NT5DC1: variants seen among roughly 807,000 people sequenced by gnomAD.
NT5DC1 encodes the protein 5'-nucleotidase domain containing 1, also known as 5'-nucleotidase domain-containing protein 1.
In NT5DC1, 42 loss-of-function variants were observed where a neutral mutation model predicts 59.4. That is an observed-to-expected ratio of 0.71 (90% CI 0.55 to 0.92). NT5DC1 has a LOEUF of 0.92. NT5DC1 is among the 40% of genes least tolerant of loss of function. The pLI is 0.00. For synonymous variants in NT5DC1, 172 were observed against 188.1 expected, an observed-to-expected ratio of 0.91 and a Z score of 0.70; for missense variants, 501 against 537.1, an observed-to-expected ratio of 0.93 and a Z score of 0.66.
intron 6 of NT5DC1, chr6:116,119,407 G>T (rs1041423137): frequency 2.6e-5 from 4 of 152,434 alleles, no homozygotes; most frequent in African/African-American, 9.7e-5. Context: ...GTTTGAAAAG[G>T]TTCATTGATG....
intron 6 of NT5DC1, among the ~76,000 whole-genome samples, chr6:116,177,725 CTAAG>C (rs138583007): frequency 2.1e-3 from 317 of 152,038 alleles, no homozygotes; most frequent in Non-Finnish European, 3.9e-3. Flanking sequence ...ACTAAATAAT[CTAAG>C]TAATTAAATA....
chr6:116,168,633 T>C (rs1780533656), intron 6 of NT5DC1, among the ~76,000 whole-genome samples: 1 of 152,116 alleles, frequency 6.6e-6, no homozygotes, highest in Admixed American at 6.6e-5. Flanking sequence ...TTTTGATTGT[T>C]TGTTTTGTTT....
At chr6:116,236,644 G>A (rs1782118460) in intron 8 of NT5DC1, among the ~76,000 whole-genome samples, 2 of 152,134 alleles carry the variant, frequency 1.3e-5, no homozygotes, top group Admixed American at 1.3e-4. Context: ...AAACCGTTTT[G>A]TAGCAGTAGG....
At chr6:116,139,343 G>A (rs1343811922) in intron 6 of NT5DC1, among the ~76,000 whole-genome samples, 8 of 151,970 alleles carry the variant, frequency 5.3e-5, no homozygotes, top group Non-Finnish European at 1.2e-4. Context: ...TGTAGAATTT[G>A]GATAATACAA....
chr6:116,237,031 G>C lies in NT5DC1; in HGVS notation c.868G>C (p.Ala290Pro). 6.2e-7 allele frequency: 1 copy of C among 1,613,226 alleles called. No individual in the cohort carries two copies. Among genetic ancestry groups the C allele is most frequent in the Non-Finnish European group, 8.5e-7 (1 of 1,179,298 alleles). The change falls in exon 9 of 12, where the codon GCT becomes CCT. Residue 290 changes from alanine (A) to proline (P), a missense_variant. By Grantham distance (27) the Ala-to-Pro change is conservative. Coordinates refer to ENST00000319550, the MANE Select transcript of NT5DC1 (RefSeq NM_152729.3). ...ACCTGGCTGGTACTCCCAAGGGAAC[G>C]CTGTCCACCTCTATGAACTTCTGAA... Reference protein sequence around the residue: ...DKPGWYSQGNAVHLYELLKKM... With the variant: ...DKPGWYSQGNPVHLYELLKKM...
intron 6 of NT5DC1, among the ~76,000 whole-genome samples, chr6:116,160,036 T>G (rs1035275600): frequency 2.1e-4 from 32 of 152,200 alleles, no homozygotes; most frequent in African/African-American, 7.7e-4. Flanking sequence ...CTTAGGTCAA[T>G]TCCATGACTT....
chr6:116,117,808 T>C (rs1778996825), intron 5 of NT5DC1, 53 bp from the exon 6 acceptor site: 2 of 1,022,134 alleles, frequency 2.0e-6, no homozygotes, highest in Admixed American at 1.9e-5. Flanking sequence ...CATTTTTCAC[T>C]ATGCTTAAAA....
In NT5DC1 at chr6:116,244,989, CTTAG is replaced by C. The variant is rs751802551; in HGVS notation, c.*967_*970del. 3 of 152,058 alleles carry C rather than the reference CTTAG, an allele frequency of 2.0e-5. No individual in the cohort carries two copies. The highest frequency in any genetic ancestry group is 4.4e-5 in the Non-Finnish European group (3 of 68,020). The allele number at this position is 152,058 out of a possible 1,614,324, so 9.4% of individuals were successfully genotyped here. A position where few individuals can be genotyped will look rare whatever the true frequency, so the allele number is the denominator to read the frequency against. On this transcript the variant is annotated 3_prime_UTR_variant, in exon 12 of 12. Coordinates refer to ENST00000319550, the MANE Select transcript of NT5DC1 (RefSeq NM_152729.3). Reference sequence around the variant, plus strand: ...CATCCTATCCAACAAAATCTTATTCCTTAGTATTAATTTATCTCATTGGGAAGAA... The same window carrying C: ...CATCCTATCCAACAAAATCTTATTCCTATTAATTTATCTCATTGGGAAGAA...
At chr6:116,154,651 T>G (rs557542203) in intron 6 of NT5DC1, among the ~76,000 whole-genome samples, 11 of 142,524 alleles carry the variant, frequency 7.7e-5, no homozygotes, top group African/African-American at 2.8e-4. Flanking sequence ...ACTTACAGAT[T>G]AATTTAATTA....
intron 2 of NT5DC1, 141 bp from the exon 3 acceptor site, chr6:116,108,223 T>G: frequency 1.6e-6 from 1 of 634,120 alleles, no homozygotes; most frequent in South Asian, 1.9e-5. Context: ...TCTTAGATAT[T>G]CTTAATTGTG....
At chr6:116,161,036 T>C (rs1038854841) in intron 6 of NT5DC1, among the ~76,000 whole-genome samples, 1 of 151,878 alleles carries the variant, frequency 6.6e-6, no homozygotes, top group Non-Finnish European at 1.5e-5. Context: ...TTCATGTCCT[T>C]TGTAGGGACA....
chr6:116,173,012 G>A (rs1780646399), intron 6 of NT5DC1, among the ~76,000 whole-genome samples: 1 of 152,094 alleles, frequency 6.6e-6, no homozygotes, highest in African/African-American at 2.4e-5. Flanking sequence ...TTTGATCAGA[G>A]GAATACAATT....
intron 6 of NT5DC1, among the ~76,000 whole-genome samples, chr6:116,135,472 C>A (rs931688582): frequency 6.6e-6 from 1 of 151,470 alleles, no homozygotes; most frequent in Non-Finnish European, 1.5e-5. Flanking sequence ...TTGGTAGAGC[C>A]CTCAGTTCTG....
intron 8 of NT5DC1, 145 bp downstream of exon 8, chr6:116,223,276 A>G (rs1781845841): frequency 1.9e-6 from 1 of 517,180 alleles, no homozygotes; most frequent in Non-Finnish European, 3.5e-6. Context: ...ATTAAATTTT[A>G]TGCTACCGCT....
Position 116,110,931 on chromosome 6 carries a change from G to A in NT5DC1, c.339G>A (p.Ser113=), listed in dbSNP as rs746490840. 2.5e-5 allele frequency: 41 copies of A among 1,613,004 alleles called. No individual in the cohort carries two copies. Among genetic ancestry groups the A allele is most frequent in the South Asian group, 3.3e-5 (3 of 91,066 alleles). ...YGKKEWKHFL[S]DTGMACRSGK... is the part of the protein sequence containing the mutation. ...AGAAAGAGTGGAAGCACTTCTTGTC[G>A]GACACTGGAATGGCTTGCCGCTCAG... The change falls in exon 4 of 12, where the codon TCG becomes TCA. Residue 113 remains serine (S), a synonymous_variant. Transcript: ENST00000319550.
chr6:116,120,573 G>T, intron 6 of NT5DC1: 1 of 1,601,870 alleles, frequency 6.2e-7, no homozygotes, highest in Non-Finnish European at 8.5e-7. Context: ...TGACCTGGTG[G>T]GCCTGGAGGC....
chr6:116,234,257 G>A (rs1029696941), intron 8 of NT5DC1, among the ~76,000 whole-genome samples: 1 of 151,750 alleles, frequency 6.6e-6, no homozygotes, highest in African/African-American at 2.4e-5. Context: ...ACCATGCCTG[G>A]CCCTTCTAAC....
At chr6:116,126,526 G>A (rs577857955) in intron 6 of NT5DC1, among the ~76,000 whole-genome samples, 12 of 152,096 alleles carry the variant, frequency 7.9e-5, no homozygotes, top group African/African-American at 2.7e-4. Flanking sequence ...CTTGAAGGGG[G>A]TACTGGATTT....
At chr6:116,125,490 C>G in intron 6 of NT5DC1, 1 of 1,613,486 alleles carries the variant, frequency 6.2e-7, no homozygotes, top group Non-Finnish European at 8.5e-7. Context: ...TTTGTGGCAG[C>G]ATATTCTCAG....
Sources: gnomAD v4.1 joint callset for allele counts (sites outside exome capture counted in the v4.1 genomes callset) on GRCh38, gnomAD v4.1.1 for gene constraint, MANE v1.5 for transcripts, NCBI Gene and HGNC (gene_info 2026-07-23, HGNC 2026-07-21) for gene names.